POLR1D: variants seen among roughly 807,000 people sequenced by gnomAD.
POLR1D encodes RNA polymerase I and III subunit D.
Under a neutral mutation model 10.8 loss-of-function variants are expected in POLR1D, and 8 were observed. The observed-to-expected ratio is 0.74, with a 90% CI of 0.43 to 1.33. The LOEUF is 1.33. Ranked by LOEUF, POLR1D falls within the 40% of genes most tolerant of loss-of-function variation. The pLI is 0.01. For synonymous variants in POLR1D, 54 were observed against 57.2 expected, an observed-to-expected ratio of 0.94 and a Z score of 0.25; for missense variants, 152 against 161.7, an observed-to-expected ratio of 0.94 and a Z score of 0.32.
At chr13:27,637,913 G>A (rs1956140870) in intron 1 of POLR1D, among the ~76,000 whole-genome samples, 1 of 151,978 alleles carries the variant, frequency 6.6e-6, no homozygotes, top group Non-Finnish European at 1.5e-5. Flanking sequence ...CTACAAGCAT[G>A]TGCCACCACA....
At chr13:27,665,349 A>C (rs11617198) in intron 2 of POLR1D, 8,395 of 258,430 alleles carry the variant, frequency 0.032, 208 homozygotes, top group Non-Finnish European at 0.049. Flanking sequence ...ACAGTAAAAT[A>C]GGGCACTTAC....
chr13:27,644,432 A>C (rs1392497444), intron 1 of POLR1D, among the ~76,000 whole-genome samples: 1 of 152,218 alleles, frequency 6.6e-6, no homozygotes, highest in Non-Finnish European at 1.5e-5. Flanking sequence ...TGATCAGTTG[A>C]CATTCCTTAA....
At chr13:27,665,805 A>G in exon 3 of POLR1D, 1 of 1,614,240 alleles carries the variant, frequency 6.2e-7, no homozygotes, top group South Asian at 1.1e-5. Context: ...GAACCAGCGA[A>G]GAGCCAGGCC....
intron 1 of POLR1D, among the ~76,000 whole-genome samples, chr13:27,631,786 A>G (rs989002267): frequency 6.6e-6 from 1 of 152,250 alleles, no homozygotes; most frequent in Non-Finnish European, 1.5e-5. Flanking sequence ...CAGAAAGTCA[A>G]TGAATAATGT....
chr13:27,647,937 GAGA>G (rs748271857), intron 1 of POLR1D: 2 of 176,224 alleles, frequency 1.1e-5, no homozygotes, highest in African/African-American at 2.4e-5. Flanking sequence ...CCCATTAGTA[GAGA>G]AGAAGTTATC....
exon 3 of POLR1D, chr13:27,666,012 G>C: frequency 6.6e-7 from 1 of 1,512,680 alleles, no homozygotes; most frequent in Non-Finnish European, 9.1e-7. Context: ...GGTGCGGTGT[G>C]CGGAGAAGGC....
rs1477836172 is a variant in POLR1D, at chr13:27,622,013, A to C, written c.26+4A>C. The C allele has an allele frequency of 5.7e-6, 9 of 1,587,338 alleles. No homozygotes were observed. The East Asian group carries it at 1.1e-4, about 20-fold the overall frequency. On this transcript the variant is annotated splice_donor_region_variant and intron_variant, in intron 1 of 1. Coordinates refer to ENST00000302979, the MANE Select transcript of POLR1D (RefSeq NM_015972.4). ...AAGAGGATCAGGAGCTGGAGAGGTA[A>C]CGGCCGAGGAGGAGGCGGGCGGAGC...
intron 1 of POLR1D, among the ~76,000 whole-genome samples, chr13:27,644,188 C>T (rs573786893): frequency 6.6e-6 from 1 of 152,204 alleles, no homozygotes; most frequent in East Asian, 1.9e-4. Flanking sequence ...TTTAAAATTC[C>T]TGTTTTCCTA....
At chr13:27,639,871 G>C (rs1226864224) in intron 1 of POLR1D, among the ~76,000 whole-genome samples, 1 of 152,056 alleles carries the variant, frequency 6.6e-6, no homozygotes, top group Admixed American at 6.6e-5. Context: ...TGCTCTCCTT[G>C]CCCCTCTCAC....
chr13:27,623,632 A>G (rs967197396), downstream of POLR1D, among the ~76,000 whole-genome samples: 2 of 148,610 alleles, frequency 1.3e-5, no homozygotes, highest in Non-Finnish European at 3.0e-5. Flanking sequence ...GGGTAAGGGA[A>G]GAGACAAAAA....
chr13:27,662,800 TATGTGTCAGGC>T (rs958219781), intron 2 of POLR1D, among the ~76,000 whole-genome samples: 17 of 152,222 alleles, frequency 1.1e-4, no homozygotes, highest in African/African-American at 4.1e-4. Context: ...CAAATGCCTT[TATGTGTCAGGC>T]ATTGTTCTGA....
chr13:27,652,161 A>G (rs993722931), intron 2 of POLR1D, among the ~76,000 whole-genome samples: 3 of 152,246 alleles, frequency 2.0e-5, no homozygotes, highest in African/African-American at 7.2e-5. Flanking sequence ...CAAGTGAGTA[A>G]GAAAATATCA....
At chr13:27,638,099 G>T (rs1168397726) in intron 1 of POLR1D, among the ~76,000 whole-genome samples, 1 of 152,206 alleles carries the variant, frequency 6.6e-6, no homozygotes, top group African/African-American at 2.4e-5. Context: ...GACAGAAAAT[G>T]CCTGGTGATC....
At chr13:27,653,505 A>G (rs1956284781) in intron 2 of POLR1D, among the ~76,000 whole-genome samples, 1 of 152,194 alleles carries the variant, frequency 6.6e-6, no homozygotes, top group South Asian at 2.1e-4. Flanking sequence ...ACACTTTCCC[A>G]TGAGTCTGAA....
At chr13:27,659,600 T>A (rs1265574630) in intron 2 of POLR1D, among the ~76,000 whole-genome samples, 1 of 152,198 alleles carries the variant, frequency 6.6e-6, no homozygotes, top group African/African-American at 2.4e-5. Flanking sequence ...ATGCCAATGC[T>A]TACTGCCCCT....
At chr13:27,624,305 C>A (rs958490393), downstream of POLR1D, among the ~76,000 whole-genome samples, 1 of 152,152 alleles carries the variant, frequency 6.6e-6, no homozygotes, top group African/African-American at 2.4e-5. Flanking sequence ...ACCCACTAAA[C>A]CAACTTGGAG....
intron 2 of POLR1D, chr13:27,650,213 A>C (rs535236891): frequency 7.6e-6 from 3 of 395,556 alleles, no homozygotes; most frequent in South Asian, 2.7e-4. Context: ...CTCAGCATTC[A>C]AAGTTTTTAT....
Position 27,633,764 on chromosome 13 carries a change from A to G in POLR1D, c.26+11755A>G, listed in dbSNP as rs374568465. Reference sequence around the variant, plus strand: ...GATTTCAAGTGAAGGATCACCCAACATTGCGATCCCTCATCTAACATTATT... The same window carrying G: ...GATTTCAAGTGAAGGATCACCCAACGTTGCGATCCCTCATCTAACATTATT... On this transcript the variant is annotated intron_variant, in intron 1 of 2. Transcript: ENST00000399697. Among the ~76,000 whole-genome samples, 43 of 152,320 alleles carry G rather than the reference A, an allele frequency of 2.8e-4. No individual in the cohort carries two copies. The East Asian group carries it at 3.5e-3, about 12-fold the overall frequency.
intron 1 of POLR1D, among the ~76,000 whole-genome samples, chr13:27,644,171 T>G (rs146564025): frequency 4.9e-4 from 75 of 152,314 alleles, no homozygotes; most frequent in Middle Eastern, 6.8e-3. Context: ...TTCTCTGATT[T>G]TATTCCTTTA....
Sources: gnomAD v4.1 joint callset for allele counts (sites outside exome capture counted in the v4.1 genomes callset) on GRCh38, gnomAD v4.1.1 for gene constraint, MANE v1.5 for transcripts, NCBI Gene and HGNC (gene_info 2026-07-23, HGNC 2026-07-21) for gene names.